LSP1: variants seen among roughly 807,000 people sequenced by gnomAD.
LSP1 encodes the protein lymphocyte-specific protein 1.
In LSP1, 32 loss-of-function variants were observed where a neutral mutation model predicts 49.3. The ratio of observed to expected loss-of-function variants is 0.65; its 90% CI spans 0.49 to 0.87. The LOEUF is 0.87. Among genes scored for constraint, LSP1 ranks in the 40% least tolerant of loss-of-function variants. The pLI, the probability that LSP1 is intolerant of heterozygous loss-of-function variation, is 0.00. For missense variants in LSP1, 428 were observed against 442.6 expected (o/e 0.97, Z 0.30); for synonymous variants, 179 against 178.8 (o/e 1.00, Z -0.01).
intron 10 of LSP1, chr11:1,890,193 G>T: frequency 1.4e-6 from 1 of 717,006 alleles, no homozygotes; most frequent in Non-Finnish European, 2.6e-6. Flanking sequence ...GATGGAGAAC[G>T]TGGACTTCTG....
chr11:1,887,011 TG>T, intron 8 of LSP1, 145 bp downstream of exon 8: 1 of 1,117,442 alleles, frequency 8.9e-7, no homozygotes, highest in South Asian at 1.6e-5. Context: ...GCAGTAGGGT[TG>T]GGTTCACCCT....
chr11:1,867,658 G>C lies in LSP1; in HGVS notation c.54-12429G>C, dbSNP rs144218040. Among the ~76,000 whole-genome samples, 658 of 152,266 alleles carry C rather than the reference G, an allele frequency of 4.3e-3. 7 individuals carry two copies. Among genetic ancestry groups the C allele is most frequent in the African/African-American group, 0.015 (621 of 41,530 alleles). ...CCCCTTGGGTGTCCTGCCATGTCAGGTGCAGGGCTGGGAGAGGCATTGCAG... is the reference window on the plus strand; with the variant it reads ...CCCCTTGGGTGTCCTGCCATGTCAGCTGCAGGGCTGGGAGAGGCATTGCAG... On this transcript the variant is annotated intron_variant, in intron 1 of 10. Transcript: ENST00000311604.
At chr11:1,869,782 C>G (rs1034799129) in intron 1 of LSP1, 2 of 422,526 alleles carry the variant, frequency 4.7e-6, no homozygotes, top group Non-Finnish European at 9.4e-6. Flanking sequence ...AATGGGGCGC[C>G]CCACAGAGGA....
chr11:1,890,157 G>T (rs142299714), intron 10 of LSP1: 1 of 717,126 alleles, frequency 1.4e-6, no homozygotes, highest in Non-Finnish European at 2.6e-6. Context: ...GAATTGAGCA[G>T]CTAGAATCCT....
In LSP1 at chr11:1,884,666, C is replaced by A; in HGVS notation, c.717+85C>A. 2 of 1,170,244 alleles carry A rather than the reference C, an allele frequency of 1.7e-6. No individual in the cohort carries two copies. Among genetic ancestry groups the A allele is most frequent in the Non-Finnish European group, 1.3e-6 (1 of 794,982 alleles). The allele number at this position is 1,170,244 out of a possible 1,614,324, so 72.5% of individuals were successfully genotyped here. A position where few individuals can be genotyped will look rare whatever the true frequency, so the allele number is the denominator to read the frequency against. On this transcript the variant is annotated intron_variant, in intron 7 of 10. Coordinates refer to ENST00000311604, the MANE Select transcript of LSP1 (RefSeq NM_002339.3). This position sits in a 1 kb window ranked among gnomAD's most constrained non-coding sequence, Gnocchi z 4.1. ...TCCAACCAACGCCCTTCCATCCAAT[C>A]AGTGCCGCCTTATTCAACCAACACC...
intron 1 of LSP1, among the ~76,000 whole-genome samples, chr11:1,855,527 G>T (rs1193058112): frequency 6.6e-6 from 1 of 152,220 alleles, no homozygotes; most frequent in Non-Finnish European, 1.5e-5. Context: ...CCGGGACGGG[G>T]CCAGATTCCT....
At chr11:1,862,985 G>C (rs1414870870) in intron 1 of LSP1, among the ~76,000 whole-genome samples, 1 of 152,180 alleles carries the variant, frequency 6.6e-6, no homozygotes, top group Admixed American at 6.5e-5. Flanking sequence ...GTCTCTAGTG[G>C]ACATTCCCTG....
intron 1 of LSP1, among the ~76,000 whole-genome samples, chr11:1,858,888 G>A (rs2133057153): frequency 6.6e-6 from 1 of 152,352 alleles, no homozygotes; most frequent in African/African-American, 2.4e-5. Flanking sequence ...GGAGGAGGGA[G>A]ATGCTGAGCA....
rs988984595 is a variant in LSP1 at position 1,866,120 on chromosome 11, G to A, written c.53+12923G>A. 9.9e-5 allele frequency among the ~76,000 whole-genome samples: 15 copies of A among 152,280 alleles called. No individual in the cohort carries two copies. The East Asian group carries it at 2.5e-3, about 26-fold the overall frequency. On this transcript the variant is annotated intron_variant, in intron 1 of 10. Coordinates refer to ENST00000311604, the MANE Select transcript of LSP1 (RefSeq NM_002339.3). The stretch of plus-strand genomic sequence containing the variant: ...TCTGCACCGTCAGCCACTCTGAGCC[G>A]CCTGTAGTGCCCTTTCTCCTCCTCA...
chr11:1,882,515 T>A (rs989386167), intron 3 of LSP1, among the ~76,000 whole-genome samples: 1 of 151,752 alleles, frequency 6.6e-6, no homozygotes, highest in African/African-American at 2.4e-5. Context: ...TGGGCCTCAG[T>A]CTCCCCCCTA....
chr11:1,884,323 G>GGTCTGTCT lies in LSP1; in HGVS notation c.635+14_635+21dup, dbSNP rs772119199. 7 of 1,613,956 alleles carry GGTCTGTCT rather than the reference G, an allele frequency of 4.3e-6. No individual in the cohort carries two copies. The highest frequency in any genetic ancestry group is 5.9e-6 in the Non-Finnish European group (7 of 1,179,940). On this transcript the variant is annotated frameshift_variant and splice_region_variant. Coordinates refer to ENST00000311604, the MANE Select transcript of LSP1 (RefSeq NM_002339.3). LOFTEE classifies it high-confidence loss of function. The surrounding 1 kb of genome is among the most constrained non-coding windows in gnomAD (Gnocchi z 4.1). ...TCCCTAAACCGCTCCATAGAGAAGA[G>GGTCTGTCT]GTCTGTCTGTCTGTCTGTCTGCTTT...
intron 1 of LSP1, among the ~76,000 whole-genome samples, chr11:1,873,952 A>AGGAGGGAGGCTGGCG (rs1848171379): frequency 2.0e-5 from 2 of 101,998 alleles, no homozygotes; most frequent in African/African-American, 9.4e-5. Flanking sequence ...GGAGGCCGGC[A>AGGAGGGAGGCTGGCG]GAGCAGGGAG....
At chr11:1,882,054 G>A (rs1257100283) in intron 3 of LSP1, among the ~76,000 whole-genome samples, 1 of 152,172 alleles carries the variant, frequency 6.6e-6, no homozygotes. Flanking sequence ...TTCCCACGGA[G>A]GGGAGCAGGT....
chr11:1,853,704 G>A (rs145203603), intron 1 of LSP1, among the ~76,000 whole-genome samples: 1,996 of 152,290 alleles, frequency 0.013, 24 homozygotes, highest in Middle Eastern at 0.031. Context: ...AGGCCTCAGG[G>A]CAGGGCACCC....
At chr11:1,874,966 G>A (rs1431146996) in intron 1 of LSP1, among the ~76,000 whole-genome samples, 1 of 152,198 alleles carries the variant, frequency 6.6e-6, no homozygotes, top group Non-Finnish European at 1.5e-5. Context: ...GGCCCAGAGA[G>A]GGGCAGCTGC....
At position 1,891,991 on chromosome 11, in the gene LSP1, CA is replaced by C. The variant is rs1177354480; in HGVS notation, c.*233del. 3 of 152,412 alleles carry C rather than the reference CA, an allele frequency of 2.0e-5. No individual in the cohort carries two copies. The highest frequency in any genetic ancestry group is 4.8e-5 in the African/African-American group (2 of 41,438). 9.4% of individuals were successfully genotyped at this position (152,412 alleles called of 1,614,324 possible). On this transcript the variant is annotated 3_prime_UTR_variant, in exon 11 of 11. Coordinates refer to ENST00000311604, the MANE Select transcript of LSP1 (RefSeq NM_002339.3). ...CTCTGACCACCGCCCCCGCCCTCCC[CA>C]CCCAGCTCCGCTTCTTGTTACTTGG...
intron 1 of LSP1, among the ~76,000 whole-genome samples, chr11:1,867,326 G>A (rs763817924): frequency 7.9e-5 from 12 of 151,792 alleles, no homozygotes; most frequent in Non-Finnish European, 7.4e-5. Context: ...CCCAGAGGCC[G>A]CTGCACCCCA....
rs751845826 is a variant in LSP1 at position 1,889,835 on chromosome 11, C to T, written c.*14-1938C>T. ...GCACTGAGGCCTGGAAGCCGGGTGG[C>T]GGCCGTGGTACAGGGGGCTCCTCAG... On this transcript the variant is annotated intron_variant, in intron 10 of 10. Transcript: ENST00000311604. The T allele has an allele frequency of 2.8e-5, 18 of 633,926 alleles. 1 individual carries two copies. Among genetic ancestry groups the T allele is most frequent in the Middle Eastern group, 5.0e-4 (2 of 4,000 alleles). The allele number at this position is 633,926 out of a possible 1,614,324, so 39.3% of individuals were successfully genotyped here.
At position 1,880,213 on chromosome 11, in the gene LSP1, G is replaced by A; in HGVS notation, c.180G>A (p.Lys60=). 6.3e-7 allele frequency: 1 copy of A among 1,596,870 alleles called. No homozygotes were observed. The highest frequency in any genetic ancestry group is 1.1e-5 in the South Asian group (1 of 89,770). The change falls in exon 2 of 11, where the codon AAG becomes AAA. Residue 60 remains lysine (K), a synonymous_variant. Transcript: ENST00000311604. ...GCGGCCATGTCCCCGAGCGGCCGAA[G>A]CAGGAGATGCTGTGAGCAGCCCCAT... The part of the protein sequence containing the change: ...EGGGHVPERP[K]QEMLLSLKPS...
Sources: allele counts gnomAD v4.1 joint callset (sites outside exome capture counted in the v4.1 genomes callset), GRCh38; gene constraint gnomAD v4.1.1; non-coding constraint Gnocchi (gnomAD v3.1); transcripts MANE v1.5; gene names NCBI Gene and HGNC (gene_info 2026-07-23, HGNC 2026-07-21).